KCNQ2: variants seen among roughly 807,000 people sequenced by gnomAD.
The protein encoded by KCNQ2 is potassium voltage-gated channel subfamily Q member 2.
A neutral mutation model predicts 84.8 loss-of-function variants in KCNQ2; 14 were observed. The ratio of observed to expected loss-of-function variants is 0.17; its 90% confidence interval spans 0.11 to 0.26. The LOEUF is 0.26. KCNQ2 is among the 10% of genes least tolerant of loss of function. The pLI is 1.00. For synonymous variants in KCNQ2, 599 were observed against 554.1 expected (o/e 1.08, Z -1.14); for missense variants, 788 against 1,254.0 (o/e 0.63, Z 5.61).
chr20:63,408,516 C>G lies in KCNQ2; in HGVS notation c.1784G>C (p.Arg595Pro). The G allele has an allele frequency of 1.2e-6, 2 of 1,610,340 alleles. No individual in the cohort carries two copies. The highest frequency in any genetic ancestry group is 1.7e-6 in the Non-Finnish European group (2 of 1,179,098). ...LQSRVDQIVG[R>P]GPAITDKDRT... The stretch of plus-strand genomic sequence containing the variant: ...GTCCTTGTCCGTGATCGCTGGGCCC[C>G]GCCCCACGATCTGGTCCACTCTACC... The change falls in exon 16 of 17, where the codon CGG becomes CCG. Residue 595 changes from arginine to proline, a missense_variant. Around this residue, in one of 8 missense-constraint regions of KCNQ2, gnomAD observed 378 missense variants for 434.5 expected, o/e 0.87. Transcript: ENST00000359125. This position sits in a 1 kb window ranked among gnomAD's most constrained non-coding sequence, Gnocchi z 5.0.
chr20:63,450,661 C>A (rs1217193104), intron 1 of KCNQ2, among the ~76,000 whole-genome samples: 1 of 107,724 alleles, frequency 9.3e-6, no homozygotes, highest in African/African-American at 3.6e-5. Flanking sequence ...GGCAGGCGCC[C>A]AGGTGAGAGC....
In KCNQ2 at chr20:63,424,990, G is replaced by A. The variant is rs372239751; in HGVS notation, c.1218-784C>T. ...CGTGTTGCCGTGGAACATGGTCCACGCTCTCGGGGAGGGTCCCTCATCACC... is the reference window on the plus strand; with the variant it reads ...CGTGTTGCCGTGGAACATGGTCCACACTCTCGGGGAGGGTCCCTCATCACC... On this transcript the variant is annotated intron_variant, in intron 10 of 16. Coordinates refer to ENST00000359125, the MANE Select transcript of KCNQ2 (RefSeq NM_172107.4). Among the ~76,000 whole-genome samples the A allele has an allele frequency of 5.9e-5, 9 of 152,252 alleles. No individual in the cohort carries two copies. In the East Asian group the frequency reaches 1.5e-3, roughly 26 times the overall value.
intron 1 of KCNQ2, among the ~76,000 whole-genome samples, chr20:63,454,205 A>G (rs73918924): frequency 0.025 from 3,869 of 152,266 alleles, 163 homozygotes; most frequent in African/African-American, 0.086. Context: ...CTTCCAGCTC[A>G]GCTTCCGCCC....
Position 63,425,684 on chromosome 20 carries a change from C to T in KCNQ2, c.1218-1478G>A, listed in dbSNP as rs1221769587. On this transcript the variant is annotated intron_variant, in intron 10 of 16. Coordinates refer to ENST00000359125, the MANE Select transcript of KCNQ2 (RefSeq NM_172107.4). This position sits in a 1 kb window ranked among gnomAD's most constrained non-coding sequence, Gnocchi z 5.5. ...GCAGTAAGCTGTGATTGCGCCACTGCACTCCAGCCTGAGTGACGCAGGGAG... is the reference window on the plus strand; with the variant it reads ...GCAGTAAGCTGTGATTGCGCCACTGTACTCCAGCCTGAGTGACGCAGGGAG... 6.6e-6 allele frequency among the ~76,000 whole-genome samples: 1 copy of T among 152,086 alleles called. No homozygotes were observed. The highest frequency in any genetic ancestry group is 6.5e-5 in the Admixed American group (1 of 15,268).
chr20:63,463,777 G>A (rs144164238), intron 1 of KCNQ2: 3,358 of 152,330 alleles, frequency 0.022, 70 homozygotes, highest in Non-Finnish European at 0.031. Context: ...CCATGGGGAG[G>A]AACAAAACTA....
chr20:63,434,530 CCTAT>C (rs1166285781), intron 7 of KCNQ2: 7 of 152,292 alleles, frequency 4.6e-5, no homozygotes, highest in East Asian at 1.9e-4. Flanking sequence ...GACCACTGCC[CCTAT>C]CTAACTCCAC....
chr20:63,404,708 C>T lies in KCNQ2; in HGVS notation c.*1936G>A, dbSNP rs1025571951. The T allele has an allele frequency of 6.6e-6, 1 of 152,358 alleles. No individual in the cohort carries two copies. The highest frequency in any genetic ancestry group is 2.4e-5 in the African/African-American group (1 of 41,466). 9.4% of individuals were successfully genotyped at this position (152,358 alleles called of 1,614,324 possible). On this transcript the variant is annotated 3_prime_UTR_variant, in exon 17 of 17. Coordinates refer to ENST00000359125, the MANE Select transcript of KCNQ2 (RefSeq NM_172107.4). ...ACAGCAAGGGCACCGCCGTGAAACG[C>T]TGCCCCCAAAACACGTAGCGATGCC... is the stretch of plus-strand genomic sequence containing the variant.
chr20:63,438,117 C>T lies in KCNQ2; in HGVS notation c.1023+508G>A, dbSNP rs2081059183. ...GCCACTGTGCCCGGCCATTGTCTGT[C>T]CGTATTTTCAAGGTGGCTCAGGAAT... On this transcript the variant is annotated intron_variant, in intron 7 of 16. Transcript: ENST00000359125. This position sits in a 1 kb window ranked among gnomAD's most constrained non-coding sequence, Gnocchi z 5.1. 5.5e-6 allele frequency: 1 copy of T among 181,358 alleles called. No individual in the cohort carries two copies. Among genetic ancestry groups the T allele is most frequent in the African/African-American group, 2.3e-5 (1 of 42,596 alleles). 11.2% of individuals were successfully genotyped at this position (181,358 alleles called of 1,614,324 possible).
At chr20:63,441,062 G>T (rs1019899734) in intron 5 of KCNQ2, among the ~76,000 whole-genome samples, 28 of 3,292 alleles carry the variant, frequency 8.5e-3, no homozygotes, top group Non-Finnish European at 0.012. Flanking sequence ...CCGCCTCCCA[G>T]GTTCACGCCA....
At chr20:63,413,361 CT>C (rs1568874990) in intron 15 of KCNQ2, 88 bp downstream of exon 15, 1 of 1,543,768 alleles carries the variant, frequency 6.5e-7, no homozygotes, top group East Asian at 2.3e-5. Flanking sequence ...CACACACCCC[CT>C]GCACTCCCAC....
intron 9 of KCNQ2, among the ~76,000 whole-genome samples, chr20:63,430,285 G>A (rs562856412): frequency 3.9e-5 from 6 of 152,250 alleles, no homozygotes; most frequent in South Asian, 2.1e-4. Flanking sequence ...CGGCTTCAGC[G>A]CCAGCCTCCT....
intron 15 of KCNQ2, chr20:63,411,921 C>T (rs1368298817): frequency 1.4e-6 from 1 of 711,604 alleles, no homozygotes; most frequent in East Asian, 2.7e-5. Context: ...CGGCGAAACG[C>T]ATCGTAAAGC....
At chr20:63,432,862 T>TCAGGGAAGGCCCCACCCC (rs2080868185) in intron 8 of KCNQ2, among the ~76,000 whole-genome samples, 2 of 141,900 alleles carry the variant, frequency 1.4e-5, no homozygotes, top group African/African-American at 5.2e-5. Flanking sequence ...GGATCCACCC[T>TCAGGGAAGGCCCCACCCC]CAGGGAAGGC....
Position 63,439,242 on chromosome 20 carries a change from C to T in KCNQ2, c.927+356G>A, listed in dbSNP as rs180930549. 5.9e-5 allele frequency among the ~76,000 whole-genome samples: 9 copies of T among 152,346 alleles called. No homozygotes were observed. The South Asian group carries it at 6.2e-4, about 11-fold the overall frequency. On this transcript the variant is annotated intron_variant, in intron 6 of 16. Transcript: ENST00000359125. Reference sequence around the variant, plus strand: ...CCTCTGAGCTGGGTGGGCCTCACTGCCTAGAGACCCATGAGGGACCTGTGT... The same window carrying T: ...CCTCTGAGCTGGGTGGGCCTCACTGTCTAGAGACCCATGAGGGACCTGTGT...
At chr20:63,435,099 T>C (rs1161064852) in intron 7 of KCNQ2, among the ~76,000 whole-genome samples, 1 of 152,190 alleles carries the variant, frequency 6.6e-6, no homozygotes, top group Admixed American at 6.5e-5. Context: ...ATTTGCCATT[T>C]GCTAACATGT....
Position 63,414,250 on chromosome 20 carries a change from G to A in KCNQ2, c.1526-57C>T. The A allele has an allele frequency of 8.0e-7, 1 of 1,255,844 alleles. No individual in the cohort carries two copies. Among genetic ancestry groups the A allele is most frequent in the Admixed American group, 1.7e-5 (1 of 57,684 alleles). 77.8% of individuals were successfully genotyped at this position (1,255,844 alleles called of 1,614,324 possible). On this transcript the variant is annotated intron_variant, in intron 13 of 16. Coordinates refer to ENST00000359125, the MANE Select transcript of KCNQ2 (RefSeq NM_172107.4). This position sits in a 1 kb window ranked among gnomAD's most constrained non-coding sequence, Gnocchi z 6.6. ...GAGGGGGCCGGGAGACCTATTCCCGGGGTCCTGCAGGGCACACCGGCTAGA... is the reference window on the plus strand; with the variant it reads ...GAGGGGGCCGGGAGACCTATTCCCGAGGTCCTGCAGGGCACACCGGCTAGA...
rs559871335 is a variant in KCNQ2, at chr20:63,417,497, G to A, written c.1301+2122C>T. ...AAGCACCGGGTGGAGGACAGAGCCG[G>A]TCGGCCCAACTGTAGCTTCGGGGCT... On this transcript the variant is annotated intron_variant, in intron 12 of 16. Coordinates refer to ENST00000359125, the MANE Select transcript of KCNQ2 (RefSeq NM_172107.4). 3.3e-5 allele frequency among the ~76,000 whole-genome samples: 5 copies of A among 152,358 alleles called. No individual in the cohort carries two copies. In the South Asian group the frequency reaches 1.0e-3, roughly 32 times the overall value.
intron 1 of KCNQ2, chr20:63,471,664 C>T (rs1226337290): frequency 6.5e-6 from 1 of 153,526 alleles, no homozygotes; most frequent in Non-Finnish European, 1.4e-5. Flanking sequence ...TGGGAGGGCC[C>T]CTCCCCCATC....
Position 63,446,605 on chromosome 20 carries a change from A to C in KCNQ2, c.387+142T>G, listed in dbSNP as rs796846980. The stretch of plus-strand genomic sequence containing the variant: ...GGCTGTGGGGCTGGGGGCAGATGGG[A>C]ACTGACAGGGCACAAAGACATGGCC... On this transcript the variant is annotated intron_variant, in intron 2 of 16. Transcript: ENST00000359125. This position sits in a 1 kb window ranked among gnomAD's most constrained non-coding sequence, Gnocchi z 5.5. The C allele has an allele frequency of 1.1e-4, 77 of 725,344 alleles. No individual in the cohort carries two copies. The African/African-American group carries it at 1.2e-3, about 11-fold the overall frequency. 44.9% of individuals were successfully genotyped at this position (725,344 alleles called of 1,614,324 possible).
Sources: allele counts gnomAD v4.1 joint callset (sites outside exome capture counted in the v4.1 genomes callset), GRCh38; gene constraint gnomAD v4.1.1; regional missense constraint gnomAD v4.1.1; non-coding constraint Gnocchi (gnomAD v3.1); transcripts MANE v1.5; gene names NCBI Gene and HGNC (gene_info 2026-07-23, HGNC 2026-07-21).